Variants in KCNQ2 observed in about 807,000 individuals in gnomAD.
The protein encoded by KCNQ2 is potassium voltage-gated channel subfamily KQT member 2.
Under a neutral mutation model 84.8 loss-of-function variants are expected in KCNQ2, and 14 were observed. The ratio of observed to expected loss-of-function variants is 0.17; its 90% CI spans 0.11 to 0.26. KCNQ2 has a LOEUF of 0.26. KCNQ2 is among the 10% of genes least tolerant of loss of function. The pLI is 1.00. For synonymous variants in KCNQ2, 599 were observed against 554.1 expected (o/e 1.08, Z -1.14); for missense variants, 788 against 1,254.0 (o/e 0.63, Z 5.61).
At chr20:63,421,562 G>A (rs1462717671) in intron 11 of KCNQ2, among the ~76,000 whole-genome samples, 3 of 152,180 alleles carry the variant, frequency 2.0e-5, no homozygotes, top group South Asian at 2.1e-4. Flanking sequence ...ACCCGAGGTC[G>A]GACAGGCGGA....
Position 63,442,542 on chromosome 20 carries a change from G to A in KCNQ2, c.691-11C>T, listed in dbSNP as rs781523361. ...GGCAGTGACCAGCTCCTGAGAGGCA[G>A]ACGGCACCACCATCATGACCACCAT... is the stretch of plus-strand genomic sequence containing the variant. On this transcript the variant is annotated splice_polypyrimidine_tract_variant and intron_variant, in intron 4 of 16. Transcript: ENST00000359125. The A allele has an allele frequency of 6.2e-7, 1 of 1,612,406 alleles. No individual in the cohort carries two copies. Among genetic ancestry groups the A allele is most frequent in the Admixed American group, 1.7e-5 (1 of 59,864 alleles).
At position 63,414,010 on chromosome 20, in the gene KCNQ2, G is replaced by A; in HGVS notation, c.1631+78C>T. The stretch of plus-strand genomic sequence containing the variant: ...TGGGCGGCTCTGTCCAGCACCATGA[G>A]CACCGGCAGCAGGCAGGACCACCGA... On this transcript the variant is annotated intron_variant, in intron 14 of 16. Coordinates refer to ENST00000359125, the MANE Select transcript of KCNQ2 (RefSeq NM_172107.4). The surrounding 1 kb of genome is among the most constrained non-coding windows in gnomAD (Gnocchi z 6.6). 1.9e-6 allele frequency: 2 copies of A among 1,077,720 alleles called. No homozygotes were observed. Among genetic ancestry groups the A allele is most frequent in the Admixed American group, 1.7e-5 (1 of 58,098 alleles). The allele number at this position is 1,077,720 out of a possible 1,614,324, so 66.8% of individuals were successfully genotyped here.
At chr20:63,442,749 C>T (rs1343920316) in intron 4 of KCNQ2, among the ~76,000 whole-genome samples, 8 of 78,468 alleles carry the variant, frequency 1.0e-4, no homozygotes, top group South Asian at 1.1e-3. Context: ...ACCATCACCA[C>T]CATCACCATC....
rs752964601 is a variant in KCNQ2, at chr20:63,445,252, G to A, written c.500C>T (p.Pro167Leu). 4 of 1,613,808 alleles carry A rather than the reference G, an allele frequency of 2.5e-6. No individual in the cohort carries two copies. Among genetic ancestry groups the A allele is most frequent in the African/African-American group, 1.3e-5 (1 of 74,944 alleles). ...WRGRLKFARK[P>L]FCVIDIMVLI... ...CCAGGCCTCACCAATCACACAGAAC[G>A]GTTTCCGGGCAAACTTGAGCCGCCC... The change falls in exon 3 of 17, where the codon CCG (proline) becomes CTG (leucine). Residue 167 changes from proline (P) to leucine (L), a missense_variant. Physicochemically the swap from Pro to Leu is moderately conservative, Grantham distance 98. Around this residue, in one of 8 missense-constraint regions of KCNQ2, gnomAD observed 106 missense variants for 214.8 expected, o/e 0.49. Coordinates refer to ENST00000359125, the MANE Select transcript of KCNQ2 (RefSeq NM_172107.4).
Position 63,406,817 on chromosome 20 carries a change from C to A in KCNQ2, c.2446G>T (p.Ala816Ser), listed in dbSNP as rs796052660. The stretch of plus-strand genomic sequence containing the variant: ...ACGGCCGCGTAGCAGCTGTTGAGAG[C>A]ATCCAGGTTCTCCTTGGACTGGGAG... ...SISQSKENLDALNSCYAAVAP... is the reference protein window; with the variant it reads ...SISQSKENLDSLNSCYAAVAP... Residue 816 changes from alanine (A) to serine (S), a missense_variant, in exon 17 of 17, where the codon GCT (alanine) becomes TCT (serine). Coordinates refer to ENST00000359125, the MANE Select transcript of KCNQ2 (RefSeq NM_172107.4). The A allele has an allele frequency of 6.2e-7, 1 of 1,612,620 alleles. No homozygotes were observed. The highest frequency in any genetic ancestry group is 8.5e-7 in the Non-Finnish European group (1 of 1,179,846).
intron 7 of KCNQ2, among the ~76,000 whole-genome samples, chr20:63,435,133 G>C (rs1170588614): frequency 3.3e-5 from 5 of 152,196 alleles, no homozygotes; most frequent in Non-Finnish European, 1.5e-5. Flanking sequence ...CTGGCGCAGA[G>C]GCTCACAACA....
chr20:63,409,067 G>A (rs550709829), intron 15 of KCNQ2, among the ~76,000 whole-genome samples: 4 of 152,334 alleles, frequency 2.6e-5, no homozygotes, highest in African/African-American at 4.8e-5. Flanking sequence ...AAATGTCTGC[G>A]GCGGGGACAA....
chr20:63,425,373 C>T lies in KCNQ2; in HGVS notation c.1218-1167G>A, dbSNP rs2080596057. ...AATACACTCACCCCTGCCAAGATCC[C>T]CCAAAATCTCCACCCTCTGCAGCAT... On this transcript the variant is annotated intron_variant, in intron 10 of 16. Coordinates refer to ENST00000359125, the MANE Select transcript of KCNQ2 (RefSeq NM_172107.4). This position sits in a 1 kb window ranked among gnomAD's most constrained non-coding sequence, Gnocchi z 5.5. Among the ~76,000 whole-genome samples, 1 of 152,116 alleles carries T rather than the reference C, an allele frequency of 6.6e-6. No individual in the cohort carries two copies. The highest frequency in any genetic ancestry group is 1.5e-5 in the Non-Finnish European group (1 of 68,026).
Position 63,460,818 on chromosome 20 carries a change from C to T in KCNQ2, c.296+11350G>A, listed in dbSNP as rs964353501. The T allele has an allele frequency of 3.9e-5, 6 of 152,246 alleles. No individual in the cohort carries two copies. The highest frequency in any genetic ancestry group is 3.3e-4 in the Admixed American group (5 of 15,288). 9.4% of individuals were successfully genotyped at this position (152,246 alleles called of 1,614,324 possible). On this transcript the variant is annotated intron_variant, in intron 1 of 16. Transcript: ENST00000359125. This position sits in a 1 kb window ranked among gnomAD's most constrained non-coding sequence, Gnocchi z 5.4. The stretch of plus-strand genomic sequence containing the variant: ...CACGTCCCCAGGACAGCTGTGGTGT[C>T]GACATCCACGCAGGGACACCACACA...
At chr20:63,461,237 A>G (rs980203143) in intron 1 of KCNQ2, among the ~76,000 whole-genome samples, 2 of 152,208 alleles carry the variant, frequency 1.3e-5, no homozygotes, top group African/African-American at 4.8e-5. Context: ...CCCGCCGCTC[A>G]GGCCAAGGCC....
chr20:63,435,100 G>A (rs2080954366), intron 7 of KCNQ2, among the ~76,000 whole-genome samples: 2 of 152,186 alleles, frequency 1.3e-5, no homozygotes, highest in African/African-American at 4.8e-5. Context: ...TTTGCCATTT[G>A]CTAACATGTC....
intron 10 of KCNQ2, among the ~76,000 whole-genome samples, chr20:63,426,221 C>T (rs1404469798): frequency 6.6e-6 from 1 of 152,238 alleles, no homozygotes; most frequent in Admixed American, 6.5e-5. Context: ...CTAGGGCCTC[C>T]TGAATATGCC....
At chr20:63,453,250 CA>C (rs1440404215) in intron 1 of KCNQ2, among the ~76,000 whole-genome samples, 1 of 152,258 alleles carries the variant, frequency 6.6e-6, no homozygotes, top group South Asian at 2.1e-4. Context: ...GCACCGTCGC[CA>C]GGGGGCACTC....
chr20:63,464,329 G>C (rs2082029165), intron 1 of KCNQ2, among the ~76,000 whole-genome samples: 1 of 151,982 alleles, frequency 6.6e-6, no homozygotes, highest in South Asian at 2.1e-4. Context: ...GGGGGTGGAG[G>C]GGCCGCCAAG....
At chr20:63,413,999 C>G in intron 14 of KCNQ2, 89 bp downstream of exon 14, 1 of 1,001,912 alleles carries the variant, frequency 1.0e-6, no homozygotes, top group Admixed American at 1.8e-5. Flanking sequence ...CGGCTCTGTC[C>G]AGCACCATGA....
chr20:63,410,435 CCT>C lies in KCNQ2; in HGVS notation c.1764-1901_1764-1900del, dbSNP rs370541906. On this transcript the variant is annotated intron_variant, in intron 15 of 16. Transcript: ENST00000359125. Reference sequence around the variant, plus strand: ...AGCGCTCCAACTGTCTCCCTGGCCCCCTGTGTGAACCTGCACGTCTCCTAGCC... The same window carrying C: ...AGCGCTCCAACTGTCTCCCTGGCCCCGTGTGAACCTGCACGTCTCCTAGCC... 6.3e-4 allele frequency among the ~76,000 whole-genome samples: 96 copies of C among 152,288 alleles called. 2 individuals are homozygous for C. In the South Asian group the frequency reaches 0.018, roughly 29 times the overall value.
chr20:63,463,075 G>A (rs977452804), intron 1 of KCNQ2, among the ~76,000 whole-genome samples: 2 of 151,988 alleles, frequency 1.3e-5, no homozygotes, highest in Non-Finnish European at 2.9e-5. Flanking sequence ...GTGTGTGTGT[G>A]TGTGTGTGTG....
chr20:63,466,583 TG>T (rs1434394333), intron 1 of KCNQ2: 1 of 152,188 alleles, frequency 6.6e-6, no homozygotes, highest in Non-Finnish European at 1.5e-5. Context: ...GCTACGAGCT[TG>T]GGGAACATCG....
At position 63,401,855 on chromosome 20, in the gene KCNQ2, C is replaced by G. The variant is rs12479841; in HGVS notation, c.*4789G>C. On this transcript the variant is annotated 3_prime_UTR_variant, in exon 17 of 17. Transcript: ENST00000359125. ...CTGCTGGGCACCCTCCATGGCAGGT[C>G]CAAGCCTTGTGAACCGTCCCTCTCA... 0.063 allele frequency: 12,061 copies of G among 190,880 alleles called. 483 individuals carry two copies. The highest frequency in any genetic ancestry group is 0.17 in the South Asian group (2,466 of 14,212). 11.8% of individuals were successfully genotyped at this position (190,880 alleles called of 1,614,324 possible).
Sources: gnomAD v4.1 joint callset for allele counts (sites outside exome capture counted in the v4.1 genomes callset) on GRCh38, gnomAD v4.1.1 for gene constraint, gnomAD v4.1.1 regional missense constraint, Gnocchi (gnomAD v3.1) non-coding constraint, MANE v1.5 for transcripts, NCBI Gene and HGNC (gene_info 2026-07-23, HGNC 2026-07-21) for gene names.